The following RPS6KA5 variants were observed in gnomAD, a reference collection of about 807,000 sequenced individuals.
RPS6KA5 encodes the protein ribosomal protein S6 kinase A5, also known as ribosomal protein S6 kinase alpha-5.
Under a neutral mutation model 85.5 loss-of-function variants are expected in RPS6KA5, and 27 were observed. The ratio of observed to expected loss-of-function variants is 0.32; its 90% CI spans 0.23 to 0.44. RPS6KA5 has a LOEUF of 0.44. Among genes scored for constraint, RPS6KA5 ranks in the 20% least tolerant of loss-of-function variants. The pLI is 1.00. For synonymous variants in RPS6KA5, 334 were observed against 348.2 expected (o/e 0.96, Z 0.46); for missense variants, 811 against 980.9 (o/e 0.83, Z 2.31).
chr14:90,953,343 T>C (rs987357683), intron 3 of RPS6KA5, among the ~76,000 whole-genome samples: 1 of 152,232 alleles, frequency 6.6e-6, no homozygotes, highest in African/African-American at 2.4e-5. Context: ...CGTGTCTTAA[T>C]CTCTTGATCC....
At chr14:90,964,501 A>G (rs1286093) in intron 3 of RPS6KA5, among the ~76,000 whole-genome samples, 7,210 of 152,284 alleles carry the variant, frequency 0.047, 589 homozygotes, top group African/African-American at 0.17. Context: ...TTTCTGGCCT[A>G]CAGACAACCT....
At chr14:91,052,429 A>ATTG (rs2043125087) in intron 1 of RPS6KA5, 1 of 328,096 alleles carries the variant, frequency 3.0e-6, no homozygotes, top group African/African-American at 2.4e-5. Context: ...GATCAGCACC[A>ATTG]CACTCCAGCC....
At chr14:91,004,899 C>T (rs1024378296) in intron 1 of RPS6KA5, among the ~76,000 whole-genome samples, 8 of 151,428 alleles carry the variant, frequency 5.3e-5, no homozygotes, top group African/African-American at 1.9e-4. Context: ...ACCCGGGAGG[C>T]GGAGCTTGCA....
At chr14:90,896,586 CAAGATCTTAGAGTG>C (rs1389822981) in intron 12 of RPS6KA5, among the ~76,000 whole-genome samples, 1 of 152,078 alleles carries the variant, frequency 6.6e-6, no homozygotes, top group Non-Finnish European at 1.5e-5. Context: ...ACCCTGGAGG[CAAGATCTTAGAGTG>C]ATGCATGGAA....
chr14:90,848,305 A>G lies in RPS6KA5; in HGVS notation c.*23769T>C, dbSNP rs1003016540. On this transcript the variant is annotated 3_prime_UTR_variant, in exon 17 of 17. Coordinates refer to ENST00000614987, the MANE Select transcript of RPS6KA5 (RefSeq NM_004755.4). ...TCAAAGAACATCGAAATAACTTCATATCTATAGCAACGAAGGGAACATGGA... is the reference window on the plus strand; with the variant it reads ...TCAAAGAACATCGAAATAACTTCATGTCTATAGCAACGAAGGGAACATGGA... 2 of 152,232 alleles carry G rather than the reference A, an allele frequency of 1.3e-5. No individual in the cohort carries two copies. Among genetic ancestry groups the G allele is most frequent in the Non-Finnish European group, 2.9e-5 (2 of 68,042 alleles). 9.4% of individuals were successfully genotyped at this position (152,232 alleles called of 1,614,324 possible). A position where few individuals can be genotyped will look rare whatever the true frequency, so the allele number is the denominator to read the frequency against.
chr14:91,044,220 G>GA, intron 1 of RPS6KA5, among the ~76,000 whole-genome samples: 1 of 148,626 alleles, frequency 6.7e-6, no homozygotes, highest in South Asian at 2.2e-4. Flanking sequence ...AGAGTAAAAC[G>GA]AAAGAGAGAA....
rs1034605141 is a variant in RPS6KA5 at position 90,869,588 on chromosome 14, G to A, written c.*2486C>T. 3 of 152,158 alleles carry A rather than the reference G, an allele frequency of 2.0e-5. No individual in the cohort carries two copies. Among genetic ancestry groups the A allele is most frequent in the Admixed American group, 1.3e-4 (2 of 15,276 alleles). The allele number at this position is 152,158 out of a possible 1,614,324, so 9.4% of individuals were successfully genotyped here. A position where few individuals can be genotyped will look rare whatever the true frequency, so the allele number is the denominator to read the frequency against. On this transcript the variant is annotated 3_prime_UTR_variant, in exon 17 of 17. Coordinates refer to ENST00000614987, the MANE Select transcript of RPS6KA5 (RefSeq NM_004755.4). ...AGTTAATGTCATAAGGAGAAATAAT[G>A]TAAGTATTTGTATTTCTTAGATCTT...
At chr14:91,043,054 C>T (rs756251515) in intron 1 of RPS6KA5, among the ~76,000 whole-genome samples, 4 of 152,134 alleles carry the variant, frequency 2.6e-5, no homozygotes, top group Admixed American at 1.3e-4. Context: ...CAAATCTCCA[C>T]CAAAATTGTT....
At chr14:90,887,112 T>C (rs935441308) in intron 14 of RPS6KA5, among the ~76,000 whole-genome samples, 2 of 152,224 alleles carry the variant, frequency 1.3e-5, no homozygotes, top group African/African-American at 4.8e-5. Flanking sequence ...CTCTTTTTTT[T>C]CGGATAGTTT....
intron 4 of RPS6KA5, among the ~76,000 whole-genome samples, chr14:90,947,077 G>A (rs1446728715): frequency 2.0e-5 from 3 of 152,124 alleles, no homozygotes; most frequent in African/African-American, 7.2e-5. Flanking sequence ...AGTCTGCAAT[G>A]CAGTAAATTA....
intron 1 of RPS6KA5, among the ~76,000 whole-genome samples, chr14:91,048,560 T>A (rs1350016252): frequency 6.6e-6 from 1 of 152,198 alleles, no homozygotes; most frequent in Admixed American, 6.5e-5. Flanking sequence ...TAGGAGTATA[T>A]AAAATAGAAC....
Position 90,860,192 on chromosome 14 carries a change from T to C in RPS6KA5, c.*11882A>G, listed in dbSNP as rs2032471544. The C allele has an allele frequency of 6.6e-6, 1 of 152,134 alleles. No individual in the cohort carries two copies. The highest frequency in any genetic ancestry group is 2.4e-5 in the African/African-American group (1 of 41,434). The allele number at this position is 152,134 out of a possible 1,614,324, so 9.4% of individuals were successfully genotyped here. A position where few individuals can be genotyped will look rare whatever the true frequency, so the allele number is the denominator to read the frequency against. On this transcript the variant is annotated 3_prime_UTR_variant, in exon 17 of 17. Transcript: ENST00000614987. ...ACATTACCTTCAAAGGAAATATAACTAATGGCTTTTTCCACAGAACTTAAG... is the reference window on the plus strand; with the variant it reads ...ACATTACCTTCAAAGGAAATATAACCAATGGCTTTTTCCACAGAACTTAAG...
chr14:90,911,755 T>C (rs919976112), intron 7 of RPS6KA5, among the ~76,000 whole-genome samples: 1 of 152,040 alleles, frequency 6.6e-6, no homozygotes, highest in African/African-American at 2.4e-5. Flanking sequence ...AGTACAACAT[T>C]ATACAAGTAA....
rs2033391350 is a variant in RPS6KA5 at position 90,875,373 on chromosome 14, A to C, written c.1837-13T>G. On this transcript the variant is annotated splice_polypyrimidine_tract_variant and intron_variant, in intron 14 of 16. Coordinates refer to ENST00000614987, the MANE Select transcript of RPS6KA5 (RefSeq NM_004755.4). ...ACAACATTGTGTACTATCAGGGAAA[A>C]AGTAACAAAACAGAATGACTACCCA... 5 of 1,607,620 alleles carry C rather than the reference A, an allele frequency of 3.1e-6. No individual in the cohort carries two copies. The highest frequency in any genetic ancestry group is 4.3e-6 in the Non-Finnish European group (5 of 1,176,198).
intron 3 of RPS6KA5, among the ~76,000 whole-genome samples, chr14:90,962,515 G>GAC (rs2038857779): frequency 1.3e-5 from 2 of 151,902 alleles, no homozygotes; most frequent in Non-Finnish European, 2.9e-5. Flanking sequence ...TCGAACTCCT[G>GAC]ACTTCAGGTG....
intron 2 of RPS6KA5, among the ~76,000 whole-genome samples, chr14:90,984,249 T>C (rs548659878): frequency 2.6e-4 from 39 of 152,222 alleles, no homozygotes; most frequent in Non-Finnish European, 4.3e-4. Context: ...AAGTACATTC[T>C]AAGAACAAAT....
rs1412547421 is a variant in RPS6KA5 at position 90,936,022 on chromosome 14, G to A, written c.618+7056C>T. On this transcript the variant is annotated intron_variant, in intron 5 of 16. Transcript: ENST00000614987. ...ATATCCAATAACTACCAGATTCTCT[G>A]ACTTGAAGTAAGAACTCAACAAATG... is the stretch of plus-strand genomic sequence containing the variant. 3.9e-5 allele frequency among the ~76,000 whole-genome samples: 6 copies of A among 152,014 alleles called. 1 individual carries two copies. Among genetic ancestry groups the A allele is most frequent in the African/African-American group, 1.5e-4 (6 of 41,372 alleles).
chr14:91,036,171 A>C (rs1045196060), intron 1 of RPS6KA5, among the ~76,000 whole-genome samples: 3 of 152,188 alleles, frequency 2.0e-5, no homozygotes, highest in Admixed American at 1.3e-4. Context: ...GGGCATGTGC[A>C]TGGCCCAACT....
At chr14:90,910,707 A>C (rs2035771568) in intron 7 of RPS6KA5, among the ~76,000 whole-genome samples, 1 of 148,308 alleles carries the variant, frequency 6.7e-6, no homozygotes. Context: ...TTTTTTTGAG[A>C]CAGAGTCTGG....
Sources: gnomAD v4.1 joint callset for allele counts (sites outside exome capture counted in the v4.1 genomes callset) on GRCh38, gnomAD v4.1.1 for gene constraint, MANE v1.5 for transcripts, NCBI Gene and HGNC (gene_info 2026-07-23, HGNC 2026-07-21) for gene names.